The following CRMP1 variants were observed in gnomAD, a reference collection of about 807,000 sequenced individuals.
CRMP1 encodes collapsin response mediator protein 1, also known as dihydropyrimidinase-related protein 1.
A neutral mutation model predicts 68.3 loss-of-function variants in CRMP1; 19 were observed. The observed-to-expected ratio is 0.28, with a 90% CI of 0.19 to 0.41. The LOEUF is 0.41. CRMP1 is among the 10% of genes least tolerant of loss of function. CRMP1 has a pLI of 1.00. For missense variants in CRMP1, 791 were observed against 967.4 expected (o/e 0.82, Z 2.42); for synonymous variants, 439 against 399.6 (o/e 1.10, Z -1.18).
chr4:5,849,271 C>A, intron 6 of CRMP1, 121 bp downstream of exon 6: 1 of 760,242 alleles, frequency 1.3e-6, no homozygotes, highest in East Asian at 2.6e-5. Context: ...GATATGACAC[C>A]CAGTTCCTGG....
At chr4:5,864,708 G>A (rs1172822714) in intron 2 of CRMP1, among the ~76,000 whole-genome samples, 1 of 152,158 alleles carries the variant, frequency 6.6e-6, no homozygotes, top group East Asian at 1.9e-4. Context: ...GCTTCCTGGA[G>A]GAGGAGTCGC....
At chr4:5,849,507 T>TAAA in intron 5 of CRMP1, 35 bp from the exon 6 acceptor site, 13 of 1,169,854 alleles carry the variant, frequency 1.1e-5, no homozygotes, top group African/African-American at 3.2e-5. Context: ...GTGTGAGATT[T>TAAA]AAAAAAAAAA....
rs1427190811 is a variant in CRMP1 at position 5,872,619 on chromosome 4, G to A, written c.382-5863C>T. Among the ~76,000 whole-genome samples, 10 of 152,174 alleles carry A rather than the reference G, an allele frequency of 6.6e-5. No individual in the cohort carries two copies. Among genetic ancestry groups the A allele is most frequent in the African/African-American group, 1.7e-4 (7 of 41,450 alleles). On this transcript the variant is annotated intron_variant, in intron 1 of 13. Coordinates refer to ENST00000324989, the MANE Select transcript of CRMP1 (RefSeq NM_001014809.3). The surrounding 1 kb of genome is among the most constrained non-coding windows in gnomAD (Gnocchi z 4.6). The stretch of plus-strand genomic sequence containing the variant: ...GGAGAATCACTTGAACCCAGGAGGC[G>A]GAGGTTGCAGTGAGCTGAGATCGCA...
chr4:5,849,362 G>T (rs756392747), intron 6 of CRMP1, 30 bp downstream of exon 6: 2 of 1,556,692 alleles, frequency 1.3e-6, no homozygotes, highest in South Asian at 1.1e-5. Flanking sequence ...TCAGACTGAG[G>T]TAGAAGGAGT....
intron 11 of CRMP1, 103 bp from the exon 12 acceptor site, chr4:5,828,771 A>C: frequency 2.9e-6 from 4 of 1,356,634 alleles, no homozygotes; most frequent in Non-Finnish European, 9.9e-7. Context: ...GCGTGTTCCA[A>C]TGTTTTTTTT....
intron 9 of CRMP1, among the ~76,000 whole-genome samples, 192 bp downstream of exon 9, chr4:5,839,330 T>G (rs531657015): frequency 6.6e-6 from 1 of 152,276 alleles, no homozygotes; most frequent in South Asian, 2.1e-4. Context: ...AATGGAACAG[T>G]CACTGGATGC....
At chr4:5,833,009 T>C (rs1720482927) in intron 11 of CRMP1, among the ~76,000 whole-genome samples, 1 of 152,050 alleles carries the variant, frequency 6.6e-6, no homozygotes, top group Non-Finnish European at 1.5e-5. Context: ...CAGAGGCAGA[T>C]GATGTAAGGG....
chr4:5,862,167 C>T (rs1037002154), intron 2 of CRMP1, among the ~76,000 whole-genome samples: 3 of 152,158 alleles, frequency 2.0e-5, no homozygotes, highest in African/African-American at 7.2e-5. Flanking sequence ...AAAATGTTAC[C>T]ACACATGTCC....
chr4:5,863,344 T>C (rs1157571863), intron 2 of CRMP1, among the ~76,000 whole-genome samples: 1 of 152,024 alleles, frequency 6.6e-6, no homozygotes, highest in Admixed American at 6.6e-5. Context: ...CAGAGAGGTG[T>C]AGTGACTCCT....
Position 5,865,069 on chromosome 4 carries a change from C to G in CRMP1, c.470+1599G>C, listed in dbSNP as rs933550731. Among the ~76,000 whole-genome samples, 6 of 151,854 alleles carry G rather than the reference C, an allele frequency of 4.0e-5. No individual in the cohort carries two copies. The highest frequency in any genetic ancestry group is 7.3e-5 in the African/African-American group (3 of 41,302). Reference sequence around the variant, plus strand: ...ATACTCCACAGCCCCTTTCCCCCAGCCTCCTCCTCCTCCTCCATCATCATC... The same window carrying G: ...ATACTCCACAGCCCCTTTCCCCCAGGCTCCTCCTCCTCCTCCATCATCATC... On this transcript the variant is annotated intron_variant, in intron 2 of 13. Transcript: ENST00000324989. This position sits in a 1 kb window ranked among gnomAD's most constrained non-coding sequence, Gnocchi z 4.1.
At chr4:5,828,331 A>C (rs1720013522) in intron 12 of CRMP1, 158 bp downstream of exon 12, 1 of 984,944 alleles carries the variant, frequency 1.0e-6, no homozygotes, top group Non-Finnish European at 1.2e-6. Context: ...CTCAGACAGG[A>C]GCCCAGGCCA....
intron 9 of CRMP1, among the ~76,000 whole-genome samples, chr4:5,837,488 C>G (rs910833209): frequency 6.8e-6 from 1 of 147,840 alleles, no homozygotes; most frequent in Admixed American, 6.7e-5. Context: ...ATTAGCCAGG[C>G]GTGGTGGTGG....
chr4:5,846,523 G>A (rs538767619), intron 6 of CRMP1, among the ~76,000 whole-genome samples: 95 of 152,172 alleles, frequency 6.2e-4, no homozygotes, highest in African/African-American at 2.1e-3. Context: ...TAGGAGAGTT[G>A]CCTTAGCAAA....
chr4:5,892,602 C>G lies in CRMP1; in HGVS notation c.368G>C (p.Arg123Pro). Residue 123 changes from arginine to proline, a missense_variant, in exon 1 of 14, where the codon CGG (arginine) becomes CCG (proline). Transcript: ENST00000324989. The surrounding 1 kb of genome is among the most constrained non-coding windows in gnomAD (Gnocchi z 8.6). Reference sequence around the variant, plus strand: ...CCCCGAGGGTACCTGGCCATTGTCCCGGCCGAGGGGCAGGTCGCGGGGCGC... The same window carrying G: ...CCCCGAGGGTACCTGGCCATTGTCCGGGCCGAGGGGCAGGTCGCGGGGCGC... ...RPAPRDLPLG[R>P]DNGQSDRLLI... 8.4e-7 allele frequency: 1 copy of G among 1,184,604 alleles called. No individual in the cohort carries two copies. 73.4% of individuals were successfully genotyped at this position (1,184,604 alleles called of 1,614,324 possible). A position where few individuals can be genotyped will look rare whatever the true frequency, so the allele number is the denominator to read the frequency against.
chr4:5,886,787 T>C (rs1715624922), intron 1 of CRMP1, among the ~76,000 whole-genome samples: 1 of 152,240 alleles, frequency 6.6e-6, no homozygotes, highest in Non-Finnish European at 1.5e-5. Context: ...ATCACCTGCC[T>C]TCTTCTCACA....
At position 5,828,643 on chromosome 4, in the gene CRMP1, C is replaced by G; in HGVS notation, c.1649G>C (p.Gly550Ala). The change falls in exon 12 of 14, where the codon GGT becomes GCT. Residue 550 changes from glycine (G) to alanine (A), a missense_variant. Gly to Ala is a moderately conservative substitution (Grantham distance 60). Around this residue, in one of 3 missense-constraint regions of CRMP1, gnomAD observed 594 missense variants for 763.6 expected, o/e 0.78. Coordinates refer to ENST00000324989, the MANE Select transcript of CRMP1 (RefSeq NM_001014809.3). Reference protein sequence around the residue: ...KSAVEYNIFEGMECHGSPLVV... With the variant: ...KSAVEYNIFEAMECHGSPLVV... ...TAGTGGGGAGCCGTGGCACTCCATA[C>G]CCTCGAAGATGTTGTACTCCACCGC... is the stretch of plus-strand genomic sequence containing the variant. 1 of 1,614,212 alleles carries G rather than the reference C, an allele frequency of 6.2e-7. No individual in the cohort carries two copies. Among genetic ancestry groups the G allele is most frequent in the Non-Finnish European group, 8.5e-7 (1 of 1,180,020 alleles).
chr4:5,855,253 C>T lies in CRMP1; in HGVS notation c.820+890G>A, dbSNP rs1712958894. On this transcript the variant is annotated intron_variant, in intron 4 of 13. Coordinates refer to ENST00000324989, the MANE Select transcript of CRMP1 (RefSeq NM_001014809.3). This position sits in a 1 kb window ranked among gnomAD's most constrained non-coding sequence, Gnocchi z 4.9. ...CAATTTTTTTCCTTCCATTTTCTGACTTTCTTTAAATATTGGGGATGATAC... is the reference window on the plus strand; with the variant it reads ...CAATTTTTTTCCTTCCATTTTCTGATTTTCTTTAAATATTGGGGATGATAC... Among the ~76,000 whole-genome samples the T allele has an allele frequency of 6.6e-6, 1 of 152,114 alleles. No homozygotes were observed. Among genetic ancestry groups the T allele is most frequent in the South Asian group, 2.1e-4 (1 of 4,808 alleles).
At chr4:5,867,907 AACAC>A (rs141328248) in intron 1 of CRMP1, among the ~76,000 whole-genome samples, 5 of 150,100 alleles carry the variant, frequency 3.3e-5, no homozygotes, top group African/African-American at 1.2e-4. Context: ...TGGATAGATA[AACAC>A]ACACACACAC....
rs537590834 is a variant in CRMP1, at chr4:5,872,929, G to A, written c.382-6173C>T. Among the ~76,000 whole-genome samples, 7 of 152,146 alleles carry A rather than the reference G, an allele frequency of 4.6e-5. No homozygotes were observed. In the South Asian group the frequency reaches 8.3e-4, roughly 18 times the overall value. ...TCACTTATTATCCATGTGACTTACCGAGCCTCAGTTTCCTTGTCTATGAGA... is the reference window on the plus strand; with the variant it reads ...TCACTTATTATCCATGTGACTTACCAAGCCTCAGTTTCCTTGTCTATGAGA... On this transcript the variant is annotated intron_variant, in intron 1 of 13. Transcript: ENST00000324989. The surrounding 1 kb of genome is among the most constrained non-coding windows in gnomAD (Gnocchi z 4.6).
Sources: allele counts gnomAD v4.1 joint callset (sites outside exome capture counted in the v4.1 genomes callset), GRCh38; gene constraint gnomAD v4.1.1; regional missense constraint gnomAD v4.1.1; non-coding constraint Gnocchi (gnomAD v3.1); transcripts MANE v1.5; gene names NCBI Gene and HGNC (gene_info 2026-07-23, HGNC 2026-07-21).